Variants in KDM7A observed in about 807,000 individuals in gnomAD.
KDM7A encodes lysine demethylase 7A.
KDM7A carries 28 observed loss-of-function variants against 114.8 expected under a neutral mutation model. That is an observed-to-expected ratio of 0.24 (90% CI 0.18 to 0.33). The LOEUF (loss-of-function observed/expected upper bound fraction) is 0.33. Among genes scored for constraint, KDM7A ranks in the 10% least tolerant of loss-of-function variants. The pLI, the probability that KDM7A is intolerant of heterozygous loss-of-function variation, is 1.00. For synonymous variants in KDM7A, 423 were observed against 397.8 expected (o/e 1.06, Z -0.75); for missense variants, 942 against 1,142.5 (o/e 0.82, Z 2.53).
At chr7:140,110,950 A>T (rs1262484272) in intron 11 of KDM7A, 145 bp downstream of exon 11, 3 of 478,228 alleles carry the variant, frequency 6.3e-6, no homozygotes, top group Non-Finnish European at 1.1e-5. Context: ...AGGCCTGAAA[A>T]CCTGAGAAAC....
intron 1 of KDM7A, among the ~76,000 whole-genome samples, chr7:140,166,316 T>G (rs1055654897): frequency 6.6e-5 from 10 of 151,326 alleles, no homozygotes; most frequent in Non-Finnish European, 1.3e-4. Context: ...TACATAAAAT[T>G]GAGGAATACT....
Position 140,096,688 on chromosome 7 carries a change from G to A in KDM7A, c.2241C>T (p.Ser747=). The A allele has an allele frequency of 1.9e-6, 3 of 1,614,076 alleles. No individual in the cohort carries two copies. The highest frequency in any genetic ancestry group is 1.3e-5 in the African/African-American group (1 of 75,018). ...GMLSMAGLHY[S]TCLQRQIQST... is the part of the protein sequence containing the mutation. ...TTTGTATTTGCCTTTGTAAACACGT[G>A]GAATAGTGCAACCCTGCCATAGACA... Residue 747 remains serine (S), a synonymous_variant, in exon 17 of 20, where the codon TCC becomes TCT. Coordinates refer to ENST00000397560, the MANE Select transcript of KDM7A (RefSeq NM_030647.2).
chr7:140,132,335 G>A (rs1342745718), intron 3 of KDM7A, among the ~76,000 whole-genome samples: 1 of 152,102 alleles, frequency 6.6e-6, no homozygotes, highest in Non-Finnish European at 1.5e-5. Flanking sequence ...AGGCAGTAAA[G>A]TCACATAAAT....
intron 6 of KDM7A, 47 bp downstream of exon 6, chr7:140,126,590 G>A (rs1818708114): frequency 1.7e-6 from 2 of 1,209,880 alleles, no homozygotes; most frequent in Admixed American, 2.3e-5. Flanking sequence ...AAAAACTAGG[G>A]CTATATGTTT....
At chr7:140,133,463 C>T (rs1437156161) in intron 3 of KDM7A, 76 bp downstream of exon 3, 1 of 819,494 alleles carries the variant, frequency 1.2e-6, no homozygotes, top group Non-Finnish European at 2.0e-6. Flanking sequence ...GAAAACATTG[C>T]CTTTATATAA....
chr7:140,130,698 A>G (rs766628661), intron 3 of KDM7A, among the ~76,000 whole-genome samples: 1 of 152,106 alleles, frequency 6.6e-6, no homozygotes, highest in Admixed American at 6.5e-5. Context: ...ACAACTATCT[A>G]AAGTCTAATG....
intron 1 of KDM7A, among the ~76,000 whole-genome samples, chr7:140,156,799 G>GAGAC (rs1794462583): frequency 2.0e-5 from 3 of 152,224 alleles, no homozygotes; most frequent in Non-Finnish European, 4.4e-5. Flanking sequence ...GTATTTCACA[G>GAGAC]AGACAGAGAC....
At chr7:140,163,671 AT>A (rs1463896526) in intron 1 of KDM7A, among the ~76,000 whole-genome samples, 5 of 151,892 alleles carry the variant, frequency 3.3e-5, no homozygotes, top group Admixed American at 6.6e-5. Context: ...GGACCTTTCT[AT>A]ATATTTGTCT....
chr7:140,099,393 T>G (rs1011185927), intron 13 of KDM7A, among the ~76,000 whole-genome samples: 9 of 152,132 alleles, frequency 5.9e-5, no homozygotes, highest in African/African-American at 2.2e-4. Flanking sequence ...GATGGAGTCT[T>G]GCTAAGTTGC....
At chr7:140,121,237 G>T (rs1818613715) in intron 7 of KDM7A, among the ~76,000 whole-genome samples, 2 of 152,164 alleles carry the variant, frequency 1.3e-5, no homozygotes. Context: ...TGCTTACAAA[G>T]TGAAAACCAT....
intron 1 of KDM7A, among the ~76,000 whole-genome samples, chr7:140,152,692 G>A (rs972811369): frequency 3.3e-5 from 5 of 151,820 alleles, no homozygotes; most frequent in Non-Finnish European, 5.9e-5. Flanking sequence ...AATAGGTGAC[G>A]CTGAGTTGCC....
At chr7:140,114,025 G>A (rs1343702360) in intron 9 of KDM7A, among the ~76,000 whole-genome samples, 3 of 152,106 alleles carry the variant, frequency 2.0e-5, no homozygotes, top group African/African-American at 4.8e-5. Context: ...ATGGGAAAAA[G>A]ATACCAAGCT....
At position 140,110,103 on chromosome 7, in the gene KDM7A, A is replaced by G. The variant is rs114247207; in HGVS notation, c.1428+992T>C. On this transcript the variant is annotated intron_variant, in intron 11 of 19. Coordinates refer to ENST00000397560, the MANE Select transcript of KDM7A (RefSeq NM_030647.2). Reference sequence around the variant, plus strand: ...TCTTCCAAGTGTATTTTACCACTTTAAATTTGTAATACTAATTTAGAGCTG... The same window carrying G: ...TCTTCCAAGTGTATTTTACCACTTTGAATTTGTAATACTAATTTAGAGCTG... 4.9e-3 allele frequency among the ~76,000 whole-genome samples: 740 copies of G among 151,134 alleles called. 9 individuals are homozygous for G. The highest frequency in any genetic ancestry group is 0.017 in the African/African-American group (702 of 40,952).
intron 1 of KDM7A, among the ~76,000 whole-genome samples, chr7:140,171,623 TTATAAATA>T (rs1427294039): frequency 6.9e-6 from 1 of 145,268 alleles, no homozygotes; most frequent in Non-Finnish European, 1.5e-5. Flanking sequence ...TTTTACATAT[TTATAAATA>T]TATATTTATT....
In KDM7A at chr7:140,097,459, C is replaced by G; in HGVS notation, c.2016+86G>C. On this transcript the variant is annotated intron_variant, in intron 15 of 19. Transcript: ENST00000397560. ...TCAGACAGACAAGCTTTGAGAAAAG[C>G]TGTCATTTGCCTTGCTTCCAGGAGA... 4.2e-6 allele frequency: 3 copies of G among 721,208 alleles called. No homozygotes were observed. In the South Asian group the frequency reaches 5.3e-5, roughly 13 times the overall value. The allele number at this position is 721,208 out of a possible 1,614,324, so 44.7% of individuals were successfully genotyped here. A position where few individuals can be genotyped will look rare whatever the true frequency, so the allele number is the denominator to read the frequency against.
chr7:140,101,551 G>A lies in KDM7A; in HGVS notation c.1638+400C>T, dbSNP rs187051197. The stretch of plus-strand genomic sequence containing the variant: ...TTATTCTGTTGTTCTATTGTTTTGG[G>A]TTTTTTTTAAATAACGCTTATCATC... On this transcript the variant is annotated intron_variant, in intron 12 of 19. Transcript: ENST00000397560. Among the ~76,000 whole-genome samples, 66 of 151,808 alleles carry A rather than the reference G, an allele frequency of 4.3e-4. 1 individual carries two copies. The highest frequency in any genetic ancestry group is 1.5e-3 in the African/African-American group (61 of 41,368).
At chr7:140,154,530 CAG>C (rs1794437459) in intron 1 of KDM7A, among the ~76,000 whole-genome samples, 1 of 138,466 alleles carries the variant, frequency 7.2e-6, no homozygotes, top group Non-Finnish European at 1.6e-5. Flanking sequence ...AGACAAAAAA[CAG>C]TGTCCTGCAG....
chr7:140,120,744 C>T (rs552111719), intron 7 of KDM7A, among the ~76,000 whole-genome samples: 13 of 152,178 alleles, frequency 8.5e-5, no homozygotes, highest in East Asian at 1.9e-4. Context: ...AATAAGGTGA[C>T]GGTTTTTGTA....
chr7:140,147,769 G>A (rs1794354606), intron 1 of KDM7A, among the ~76,000 whole-genome samples: 2 of 152,118 alleles, frequency 1.3e-5, no homozygotes, highest in Admixed American at 1.3e-4. Context: ...CTATAGGAGA[G>A]GCAAGGTATC....
Sources: gnomAD v4.1 joint callset for allele counts (sites outside exome capture counted in the v4.1 genomes callset) on GRCh38, gnomAD v4.1.1 for gene constraint, MANE v1.5 for transcripts, NCBI Gene and HGNC (gene_info 2026-07-23, HGNC 2026-07-21) for gene names.